FRMD4A: variants seen among roughly 807,000 people sequenced by gnomAD.
The protein encoded by FRMD4A is FERM domain-containing protein 4A.
Under a neutral mutation model 129.1 loss-of-function variants are expected in FRMD4A, and 29 were observed. That is an observed-to-expected ratio of 0.22 (90% confidence interval 0.17 to 0.31). The LOEUF is 0.31. Among genes scored for constraint, FRMD4A ranks in the 10% least tolerant of loss-of-function variants. The pLI is 1.00. For missense variants in FRMD4A, 1,272 were observed against 1,375.8 expected, an observed-to-expected ratio of 0.92 and a Z score of 1.19; for synonymous variants, 634 against 571.6, an observed-to-expected ratio of 1.11 and a Z score of -1.56.
At chr10:13,866,282 G>A (rs765601548) in intron 2 of FRMD4A, 2 of 982,604 alleles carry the variant, frequency 2.0e-6, no homozygotes, top group Non-Finnish European at 2.4e-6. Flanking sequence ...CGTCTTCCCC[G>A]AGCACAGTCC....
At chr10:14,085,695 A>C (rs915014805) in intron 2 of FRMD4A, among the ~76,000 whole-genome samples, 2 of 152,050 alleles carry the variant, frequency 1.3e-5, no homozygotes, top group Non-Finnish European at 2.9e-5. Context: ...TCCCATCTTC[A>C]TTTGCGCTCG....
chr10:14,160,394 C>T (rs1840823508), intron 2 of FRMD4A, among the ~76,000 whole-genome samples: 1 of 152,094 alleles, frequency 6.6e-6, no homozygotes, highest in Admixed American at 6.6e-5. Context: ...GGTTTTATGG[C>T]TCAGACCTCA....
In FRMD4A at chr10:13,746,708, T is replaced by C. The variant is rs546115512; in HGVS notation, c.548+1028A>G. On this transcript the variant is annotated intron_variant, in intron 9 of 24. Coordinates refer to ENST00000357447, the MANE Select transcript of FRMD4A (RefSeq NM_018027.5). ...TGGTCTGTGCTTTTTGTTTTGCTTT[T>C]AAATAAAAGGAGTTGCAATGATTTC... Among the ~76,000 whole-genome samples, 9 of 152,314 alleles carry C rather than the reference T, an allele frequency of 5.9e-5. No individual in the cohort carries two copies. In the South Asian group the frequency reaches 1.9e-3, roughly 32 times the overall value.
chr10:13,809,658 C>A (rs1272588907), intron 4 of FRMD4A, among the ~76,000 whole-genome samples: 4 of 152,142 alleles, frequency 2.6e-5, no homozygotes, highest in Admixed American at 6.5e-5. Context: ...GGCTCCAGGA[C>A]GAGGGGCCCA....
intron 2 of FRMD4A, among the ~76,000 whole-genome samples, chr10:14,288,777 C>A (rs1845761640): frequency 6.6e-6 from 1 of 152,094 alleles, no homozygotes; most frequent in South Asian, 2.1e-4. Flanking sequence ...AGCAACGCCC[C>A]ATTTCTCCCT....
In FRMD4A at chr10:13,882,473, G is replaced by A. The variant is rs116673357; in HGVS notation, c.46-23561C>T. On this transcript the variant is annotated intron_variant, in intron 2 of 24. Coordinates refer to ENST00000357447, the MANE Select transcript of FRMD4A (RefSeq NM_018027.5). ...AATGAGAAAACCACAGGTGGGACCA[G>A]TAATCACAAAGGGAAACAGCAAAGC... 4.2e-3 allele frequency among the ~76,000 whole-genome samples: 645 copies of A among 152,336 alleles called. 3 individuals are homozygous for A. Among genetic ancestry groups the A allele is most frequent in the African/African-American group, 0.015 (614 of 41,574 alleles).
chr10:14,071,930 T>C (rs1835338193), intron 2 of FRMD4A, among the ~76,000 whole-genome samples: 1 of 152,190 alleles, frequency 6.6e-6, no homozygotes, highest in African/African-American at 2.4e-5. Flanking sequence ...CTTCCCCGTG[T>C]TGCAAGGCTG....
At chr10:13,988,553 AATGG>A (rs925492926) in intron 2 of FRMD4A, among the ~76,000 whole-genome samples, 3 of 152,172 alleles carry the variant, frequency 2.0e-5, no homozygotes, top group African/African-American at 4.8e-5. Flanking sequence ...AAAGATAATT[AATGG>A]ATGGATGGAT....
intron 2 of FRMD4A, among the ~76,000 whole-genome samples, chr10:14,154,474 G>A (rs1256240221): frequency 3.3e-5 from 5 of 152,134 alleles, no homozygotes; most frequent in Middle Eastern, 3.4e-3. Flanking sequence ...CCCCAGTGCT[G>A]GCTTAACTTA....
chr10:13,995,657 G>T (rs1177747942), intron 2 of FRMD4A, among the ~76,000 whole-genome samples: 1 of 152,194 alleles, frequency 6.6e-6, no homozygotes, highest in Non-Finnish European at 1.5e-5. Flanking sequence ...GTATTGCCCC[G>T]AGAGTAATGT....
At chr10:14,204,800 G>A (rs1010697205) in intron 2 of FRMD4A, among the ~76,000 whole-genome samples, 7 of 152,114 alleles carry the variant, frequency 4.6e-5, no homozygotes, top group Non-Finnish European at 8.8e-5. Flanking sequence ...GAGAGAAATC[G>A]AGAAGATTAA....
intron 17 of FRMD4A, chr10:13,667,974 T>C (rs1298284196): frequency 1.3e-5 from 2 of 152,222 alleles, no homozygotes; most frequent in African/African-American, 4.8e-5. Context: ...ATCAATTGTT[T>C]GCTAGAATCA....
intron 2 of FRMD4A, among the ~76,000 whole-genome samples, chr10:14,059,276 A>T (rs1050795014): frequency 2.0e-5 from 3 of 152,190 alleles, no homozygotes; most frequent in African/African-American, 4.8e-5. Context: ...TACAGGCTAG[A>T]GGTAGGATGT....
At chr10:14,139,288 T>C (rs1422949306) in intron 2 of FRMD4A, among the ~76,000 whole-genome samples, 2 of 152,172 alleles carry the variant, frequency 1.3e-5, no homozygotes, top group Non-Finnish European at 2.9e-5. Flanking sequence ...TAGTTTACAA[T>C]TTCTGTATTT....
rs939532744 is a variant in FRMD4A at position 14,094,746 on chromosome 10, T to C, written c.45+235312A>G. ...AGGTTCTTTGCAAGAGCTGGAGAAG[T>C]AGATTGCTCAGGTTAGAGGTGTAAT... On this transcript the variant is annotated intron_variant, in intron 2 of 24. Coordinates refer to ENST00000357447, the MANE Select transcript of FRMD4A (RefSeq NM_018027.5). 6.6e-5 allele frequency among the ~76,000 whole-genome samples: 10 copies of C among 152,208 alleles called. No individual in the cohort carries two copies. In the South Asian group the frequency reaches 8.3e-4, roughly 13 times the overall value.
intron 19 of FRMD4A, among the ~76,000 whole-genome samples, chr10:13,661,568 C>G (rs914123526): frequency 3.3e-5 from 5 of 152,124 alleles, no homozygotes; most frequent in African/African-American, 7.2e-5. Context: ...TTTTGAAAAG[C>G]CACAGGAAAA....
chr10:13,877,046 T>C (rs2094495932), intron 2 of FRMD4A, among the ~76,000 whole-genome samples: 1 of 152,124 alleles, frequency 6.6e-6, no homozygotes, highest in African/African-American at 2.4e-5. Flanking sequence ...TGAAGCCACA[T>C]AGATAAGAGT....
chr10:13,954,209 C>A (rs1023853617), intron 2 of FRMD4A, among the ~76,000 whole-genome samples: 1 of 152,114 alleles, frequency 6.6e-6, no homozygotes, highest in Non-Finnish European at 1.5e-5. Flanking sequence ...CTATTGCACT[C>A]GGTGGCTATA....
intron 2 of FRMD4A, among the ~76,000 whole-genome samples, chr10:14,194,756 ATCT>A (rs1338622126): frequency 6.6e-6 from 1 of 152,024 alleles, no homozygotes; most frequent in Non-Finnish European, 1.5e-5. Flanking sequence ...AGCACGTAAA[ATCT>A]TCTTTTGGTT....
Sources: allele counts gnomAD v4.1 joint callset (sites outside exome capture counted in the v4.1 genomes callset), GRCh38; gene constraint gnomAD v4.1.1; transcripts MANE v1.5; gene names NCBI Gene and HGNC (gene_info 2026-07-23, HGNC 2026-07-21).